The following SLC35F3 variants were observed in gnomAD, a reference collection of about 807,000 sequenced individuals.
SLC35F3 encodes the protein putative thiamine transporter SLC35F3.
In SLC35F3, 25 loss-of-function variants were observed where a neutral mutation model predicts 49.9. That is an observed-to-expected ratio of 0.50 (90% confidence interval 0.37 to 0.70). The LOEUF is 0.70. Ranked by LOEUF, SLC35F3 falls within the 30% of genes least tolerant of loss-of-function variation. The probability of loss-of-function intolerance (pLI) is 0.00; values close to 1 mark genes in which losing one functional copy is unlikely to be tolerated. For synonymous variants in SLC35F3, 275 were observed against 265.4 expected (o/e 1.04, Z -0.35); for missense variants, 525 against 639.8 (o/e 0.82, Z 1.94).
chr1:234,190,500 C>T (rs2102928722), intron 2 of SLC35F3, among the ~76,000 whole-genome samples: 1 of 152,190 alleles, frequency 6.6e-6, no homozygotes, highest in South Asian at 2.1e-4. Flanking sequence ...GATGAAAGGC[C>T]TTAACAGGAA....
At chr1:234,084,458 C>G (rs1196849225) in intron 2 of SLC35F3, among the ~76,000 whole-genome samples, 1 of 152,106 alleles carries the variant, frequency 6.6e-6, no homozygotes, top group Non-Finnish European at 1.5e-5. Context: ...GTTTTCCAAG[C>G]TCAGAACCAA....
At chr1:234,164,424 C>G (rs7547339) in intron 2 of SLC35F3, among the ~76,000 whole-genome samples, 126,616 of 149,390 alleles carry the variant, frequency 0.85, 57,544 homozygotes, top group East Asian at 1. Context: ...TTTCTTTTTC[C>G]TCTCCCTCTC....
chr1:233,939,820 C>T (rs1403040868), intron 2 of SLC35F3, among the ~76,000 whole-genome samples: 1 of 152,158 alleles, frequency 6.6e-6, no homozygotes, highest in Non-Finnish European at 1.5e-5. Flanking sequence ...TGTCCTGAAT[C>T]AAGGCAGCAC....
At chr1:233,931,673 G>C (rs1009594645) in intron 2 of SLC35F3, among the ~76,000 whole-genome samples, 4 of 152,200 alleles carry the variant, frequency 2.6e-5, no homozygotes, top group Non-Finnish European at 4.4e-5. Flanking sequence ...GGAGAAATAG[G>C]AACGCTTTTA....
At chr1:234,099,545 C>T (rs9435560) in intron 2 of SLC35F3, among the ~76,000 whole-genome samples, 21 of 148,648 alleles carry the variant, frequency 1.4e-4, no homozygotes, top group South Asian at 2.1e-4. Flanking sequence ...TGGAGGTGGA[C>T]GTTGCAGTGA....
chr1:234,290,988 A>G (rs1668498337), intron 3 of SLC35F3, among the ~76,000 whole-genome samples: 1 of 152,140 alleles, frequency 6.6e-6, no homozygotes, highest in Admixed American at 6.5e-5. Flanking sequence ...ACCAATAGAT[A>G]TGACCTTAAA....
chr1:233,953,295 G>A (rs1439371105), intron 2 of SLC35F3, among the ~76,000 whole-genome samples: 1 of 152,198 alleles, frequency 6.6e-6, no homozygotes. Context: ...AGGAAAAAGA[G>A]TTAAGAGTGT....
At chr1:234,222,410 C>T (rs1431159101) in intron 2 of SLC35F3, among the ~76,000 whole-genome samples, 1 of 152,210 alleles carries the variant, frequency 6.6e-6, no homozygotes, top group Non-Finnish European at 1.5e-5. Flanking sequence ...TGATGCATAA[C>T]GACTCTGCTG....
chr1:234,263,611 G>A (rs1003323631), intron 3 of SLC35F3, among the ~76,000 whole-genome samples: 1 of 152,192 alleles, frequency 6.6e-6, no homozygotes, highest in Non-Finnish European at 1.5e-5. Flanking sequence ...CCCCAGACCT[G>A]AAACAGAAAC....
chr1:234,294,613 T>G (rs1668562621), intron 3 of SLC35F3, among the ~76,000 whole-genome samples: 1 of 152,216 alleles, frequency 6.6e-6, no homozygotes, highest in South Asian at 2.1e-4. Flanking sequence ...GATACCCACT[T>G]GCTAAACTTT....
At chr1:233,933,660 G>A (rs1022287214) in intron 2 of SLC35F3, among the ~76,000 whole-genome samples, 2 of 152,186 alleles carry the variant, frequency 1.3e-5, no homozygotes, top group Non-Finnish European at 2.9e-5. Context: ...AGACTAGCCT[G>A]TCCAACATGG....
intron 2 of SLC35F3, among the ~76,000 whole-genome samples, chr1:233,988,869 A>G (rs1010386373): frequency 8.5e-5 from 13 of 152,296 alleles, no homozygotes; most frequent in African/African-American, 2.9e-4. Context: ...ACTCCTGCCC[A>G]TTTGATTGTC....
chr1:234,236,953 A>G (rs1210392143), intron 3 of SLC35F3, among the ~76,000 whole-genome samples: 1 of 122,892 alleles, frequency 8.1e-6, no homozygotes, highest in Non-Finnish European at 1.7e-5. Flanking sequence ...ATATATATAT[A>G]TATATATATA....
intron 2 of SLC35F3, among the ~76,000 whole-genome samples, chr1:233,973,185 A>G (rs1358592930): frequency 6.6e-6 from 1 of 152,186 alleles, no homozygotes; most frequent in Non-Finnish European, 1.5e-5. Context: ...GTCGAGAATA[A>G]TATATTTTGG....
chr1:233,930,329 TGCA>T (rs753502826), intron 2 of SLC35F3, among the ~76,000 whole-genome samples: 2 of 152,210 alleles, frequency 1.3e-5, no homozygotes, highest in Non-Finnish European at 2.9e-5. Flanking sequence ...TCTCTGCCAT[TGCA>T]ACATGAGCTC....
At chr1:233,963,611 A>G (rs926876758) in intron 2 of SLC35F3, among the ~76,000 whole-genome samples, 2 of 152,116 alleles carry the variant, frequency 1.3e-5, no homozygotes, top group South Asian at 4.2e-4. Flanking sequence ...AGGGCAGGTC[A>G]TAGCTTTCTT....
chr1:234,057,268 G>C (rs61822056), intron 2 of SLC35F3, among the ~76,000 whole-genome samples: 55,526 of 151,968 alleles, frequency 0.37, 11,147 homozygotes, highest in Middle Eastern at 0.47. Flanking sequence ...CCATTTAACA[G>C]TGTTAAATTT....
rs56926550 is a variant in SLC35F3 at position 233,970,680 on chromosome 1, A to C, written c.283+64922A>C. Among the ~76,000 whole-genome samples the C allele has an allele frequency of 2.6e-4, 39 of 152,258 alleles. No individual in the cohort carries two copies. In the South Asian group the frequency reaches 8.1e-3, roughly 32 times the overall value. On this transcript the variant is annotated intron_variant, in intron 2 of 7. Transcript: ENST00000366618. ...CCCAATCCAATAGGCCTTGTGTCTT[A>C]ATAAGAAGAGAAAATTTAGGGACAG...
intron 2 of SLC35F3, among the ~76,000 whole-genome samples, chr1:234,072,946 G>A (rs1664739997): frequency 2.0e-5 from 3 of 152,196 alleles, no homozygotes; most frequent in Non-Finnish European, 4.4e-5. Flanking sequence ...ATATGGCAAA[G>A]CAGATGGTGG....
Sources: gnomAD v4.1 joint callset for allele counts (sites outside exome capture counted in the v4.1 genomes callset) on GRCh38, gnomAD v4.1.1 for gene constraint, MANE v1.5 for transcripts, NCBI Gene and HGNC (gene_info 2026-07-23, HGNC 2026-07-21) for gene names.